PRTG: variants seen among roughly 807,000 people sequenced by gnomAD.
The protein encoded by PRTG is protogenin.
A neutral mutation model predicts 122.5 loss-of-function variants in PRTG; 67 were observed. The ratio of observed to expected loss-of-function variants is 0.55; its 90% CI spans 0.45 to 0.67. The LOEUF is 0.67. PRTG is among the 30% of genes least tolerant of loss of function. PRTG has a pLI of 0.00. For synonymous variants in PRTG, 554 were observed against 501.1 expected (o/e 1.11, Z -1.41); for missense variants, 1,435 against 1,415.4 (o/e 1.01, Z -0.22).
At chr15:55,716,802 T>C (rs1863756) in intron 2 of PRTG, among the ~76,000 whole-genome samples, 14,000 of 152,182 alleles carry the variant, frequency 0.092, 1,454 homozygotes, top group African/African-American at 0.25. Context: ...TTTACAGCAA[T>C]ATATACACAA....
rs1425724190 is a variant in PRTG, at chr15:55,615,798, C to T, written c.*4214G>A. 6.6e-6 allele frequency: 1 copy of T among 152,034 alleles called. No individual in the cohort carries two copies. The highest frequency in any genetic ancestry group is 1.5e-5 in the Non-Finnish European group (1 of 67,972). 9.4% of individuals were successfully genotyped at this position (152,034 alleles called of 1,614,324 possible). A position where few individuals can be genotyped will look rare whatever the true frequency, so the allele number is the denominator to read the frequency against. ...GTATATAAGTGAACCACTATAGCTA[C>T]TGCTGAAGTGAAACCACATCTGGGT... On this transcript the variant is annotated 3_prime_UTR_variant, in exon 20 of 20. Coordinates refer to ENST00000389286, the MANE Select transcript of PRTG (RefSeq NM_173814.6).
Position 55,693,561 on chromosome 15 carries a change from A to G in PRTG, c.398-9630T>C, listed in dbSNP as rs569655913. On this transcript the variant is annotated intron_variant, in intron 2 of 19. Transcript: ENST00000389286. ...CAGCATAATTTATGTGTATATAGGGAGGTGGTACACTGGCATAGCCTTGAA... is the reference window on the plus strand; with the variant it reads ...CAGCATAATTTATGTGTATATAGGGGGGTGGTACACTGGCATAGCCTTGAA... 3.7e-4 allele frequency among the ~76,000 whole-genome samples: 57 copies of G among 152,250 alleles called. 2 individuals carry two copies. The South Asian group carries it at 0.012, about 31-fold the overall frequency.
chr15:55,635,559 G>C (rs1344167533), intron 15 of PRTG, among the ~76,000 whole-genome samples: 9 of 152,340 alleles, frequency 5.9e-5, no homozygotes, highest in African/African-American at 2.2e-4. Flanking sequence ...TTGTTAGGCA[G>C]CAATAGATAA....
chr15:55,711,758 A>T (rs923736964), intron 2 of PRTG, among the ~76,000 whole-genome samples: 2 of 152,326 alleles, frequency 1.3e-5, no homozygotes, highest in Admixed American at 1.3e-4. Context: ...CCTTATGAGC[A>T]GAACCACCCA....
chr15:55,702,843 C>G lies in PRTG; in HGVS notation c.398-18912G>C, dbSNP rs1027568569. The G allele has an allele frequency of 3.3e-6, 3 of 918,416 alleles. No individual in the cohort carries two copies. The African/African-American group carries it at 5.4e-5, about 16-fold the overall frequency. The allele number at this position is 918,416 out of a possible 1,614,324, so 56.9% of individuals were successfully genotyped here. A position where few individuals can be genotyped will look rare whatever the true frequency, so the allele number is the denominator to read the frequency against. ...ACAACCTGAAAAGCCCAGCCTAACC[C>G]TCTGCCTCTTGATGCCAGTGGCACA... On this transcript the variant is annotated intron_variant, in intron 2 of 19. Transcript: ENST00000389286.
At chr15:55,666,041 T>C (rs2059437697) in intron 11 of PRTG, among the ~76,000 whole-genome samples, 1 of 152,238 alleles carries the variant, frequency 6.6e-6, no homozygotes, top group African/African-American at 2.4e-5. Flanking sequence ...AGAGACTATA[T>C]GGCCCACTGT....
chr15:55,646,083 C>T (rs988362541), intron 11 of PRTG, among the ~76,000 whole-genome samples: 30 of 151,818 alleles, frequency 2.0e-4, no homozygotes, highest in Admixed American at 1.4e-3. Context: ...CCCAGCTCAC[C>T]GCAACCTCCT....
chr15:55,656,319 C>T (rs2059379757), intron 11 of PRTG: 1 of 454,690 alleles, frequency 2.2e-6, no homozygotes, highest in Non-Finnish European at 4.4e-6. Context: ...GTCTCACAAT[C>T]CGGACTTATC....
In PRTG at chr15:55,611,680, G is replaced by C. The variant is rs1218181208; in HGVS notation, c.*8332C>G. The C allele has an allele frequency of 6.6e-6, 1 of 151,850 alleles. No individual in the cohort carries two copies. Among genetic ancestry groups the C allele is most frequent in the Non-Finnish European group, 1.5e-5 (1 of 67,930 alleles). The allele number at this position is 151,850 out of a possible 1,614,324, so 9.4% of individuals were successfully genotyped here. A position where few individuals can be genotyped will look rare whatever the true frequency, so the allele number is the denominator to read the frequency against. ...TATAGGGTAGTATATAAACTACCCA[G>C]TGGGGTGGGGGCAAGTACTAAGCAA... On this transcript the variant is annotated 3_prime_UTR_variant, in exon 20 of 20. Transcript: ENST00000389286.
chr15:55,646,099 C>T (rs971041635), intron 11 of PRTG, among the ~76,000 whole-genome samples: 3 of 151,918 alleles, frequency 2.0e-5, no homozygotes, highest in South Asian at 2.1e-4. Flanking sequence ...CTCCTCCTCC[C>T]GCATTCAAGC....
chr15:55,686,282 G>T (rs186068131), intron 2 of PRTG, among the ~76,000 whole-genome samples: 1 of 152,210 alleles, frequency 6.6e-6, no homozygotes, highest in East Asian at 1.9e-4. Flanking sequence ...TGTGAGGGGT[G>T]ACCATTAGTT....
intron 18 of PRTG, 114 bp downstream of exon 18, chr15:55,624,228 A>G (rs1299621884): frequency 7.3e-6 from 6 of 817,812 alleles, no homozygotes; most frequent in Non-Finnish European, 1.1e-5. Context: ...TATTTCATTA[A>G]TAAGAGTATT....
intron 14 of PRTG, among the ~76,000 whole-genome samples, chr15:55,638,269 C>T (rs2059269092): frequency 6.6e-6 from 1 of 152,064 alleles, no homozygotes; most frequent in African/African-American, 2.4e-5. Flanking sequence ...AATTTTTTGG[C>T]TGCAAATTTG....
chr15:55,629,359 G>GTATA (rs58741046), intron 15 of PRTG, among the ~76,000 whole-genome samples: 13 of 74,598 alleles, frequency 1.7e-4, no homozygotes, highest in African/African-American at 3.4e-4. Flanking sequence ...GTTTGGCTTT[G>GTATA]TATATATATA....
At chr15:55,694,293 A>G (rs1284984334) in intron 2 of PRTG, among the ~76,000 whole-genome samples, 1 of 152,188 alleles carries the variant, frequency 6.6e-6, no homozygotes, top group African/African-American at 2.4e-5. Context: ...ATATGCCGCT[A>G]TGGGGCACAG....
chr15:55,701,837 A>C (rs1212689229), intron 2 of PRTG, among the ~76,000 whole-genome samples: 3 of 152,212 alleles, frequency 2.0e-5, no homozygotes, highest in Admixed American at 1.3e-4. Flanking sequence ...TGAGTAAAAG[A>C]AGCAAGACAC....
rs1174267489 is a variant in PRTG at position 55,740,406 on chromosome 15, G to C, written c.373C>G (p.Gln125Glu). The C allele has an allele frequency of 1.2e-6, 2 of 1,603,930 alleles. No individual in the cohort carries two copies. The highest frequency in any genetic ancestry group is 1.7e-5 in the Admixed American group (1 of 58,688). Residue 125 changes from glutamine (Q) to glutamate (E), a missense_variant, in exon 2 of 20, where the codon CAA (glutamine) becomes GAA (glutamate). By Grantham distance (29) the Gln-to-Glu change is conservative (BLOSUM62 2). Transcript: ENST00000389286. ...AMNKYGAILSQKAHLALSTIS... is the reference protein window; with the variant it reads ...AMNKYGAILSEKAHLALSTIS... ...CTTGATAAGGCAAGATGAGCTTTTT[G>C]ACTAAGAATGGCTCCATATTTGTTC...
intron 2 of PRTG, among the ~76,000 whole-genome samples, chr15:55,735,686 C>T (rs1324537444): frequency 3.0e-5 from 4 of 133,710 alleles, no homozygotes; most frequent in African/African-American, 1.1e-4. Context: ...AAAGAAAATT[C>T]TAATTCTACC....
At chr15:55,722,611 C>T (rs182250423) in intron 2 of PRTG, among the ~76,000 whole-genome samples, 2 of 152,288 alleles carry the variant, frequency 1.3e-5, no homozygotes, top group African/African-American at 4.8e-5. Flanking sequence ...AGAACTCAGT[C>T]GTCAAGATTA....
Sources: allele counts gnomAD v4.1 joint callset (sites outside exome capture counted in the v4.1 genomes callset), GRCh38; gene constraint gnomAD v4.1.1; transcripts MANE v1.5; gene names NCBI Gene and HGNC (gene_info 2026-07-23, HGNC 2026-07-21).